The following KPNA1 variants were observed in gnomAD, a reference collection of about 807,000 sequenced individuals.
The protein encoded by KPNA1 is karyopherin subunit alpha 1.
A neutral mutation model predicts 70.5 loss-of-function variants in KPNA1; 10 were observed. The ratio of observed to expected loss-of-function variants is 0.14; its 90% CI spans 0.09 to 0.24. KPNA1 has a LOEUF of 0.24. Among genes scored for constraint, KPNA1 ranks in the 10% least tolerant of loss-of-function variants. The pLI, the probability that KPNA1 is intolerant of heterozygous loss-of-function variation, is 1.00. For missense variants in KPNA1, 397 were observed against 637.9 expected, an observed-to-expected ratio of 0.62 and a Z score of 4.07; for synonymous variants, 192 against 221.9, an observed-to-expected ratio of 0.87 and a Z score of 1.20.
intron 2 of KPNA1, among the ~76,000 whole-genome samples, chr3:122,483,714 G>C (rs576286959): frequency 6.6e-6 from 1 of 152,234 alleles, no homozygotes; most frequent in East Asian, 1.9e-4. Context: ...ATTTTTAAAA[G>C]GAGGGAATCC....
chr3:122,436,211 G>T (rs2075985096), intron 11 of KPNA1, among the ~76,000 whole-genome samples: 1 of 152,148 alleles, frequency 6.6e-6, no homozygotes, highest in African/African-American at 2.4e-5. Context: ...TTCCCGCCTA[G>T]TAAATTTTAG....
intron 2 of KPNA1, among the ~76,000 whole-genome samples, chr3:122,478,778 C>G (rs1313936293): frequency 6.7e-6 from 1 of 149,722 alleles, no homozygotes; most frequent in African/African-American, 2.5e-5. Flanking sequence ...ACTTGTAATC[C>G]CAGCTACTCT....
chr3:122,505,121 T>C (rs986741944), intron 1 of KPNA1, among the ~76,000 whole-genome samples: 11 of 151,766 alleles, frequency 7.2e-5, no homozygotes, highest in Admixed American at 6.6e-4. Context: ...CTGGCCAACA[T>C]GGTGAAACCC....
intron 2 of KPNA1, among the ~76,000 whole-genome samples, chr3:122,487,955 C>A (rs1266311440): frequency 6.6e-6 from 1 of 152,066 alleles, no homozygotes; most frequent in Non-Finnish European, 1.5e-5. Context: ...GCACCAAATA[C>A]AATGTATGAC....
chr3:122,438,784 T>C (rs563927309), intron 10 of KPNA1, among the ~76,000 whole-genome samples: 4 of 152,092 alleles, frequency 2.6e-5, no homozygotes, highest in Admixed American at 2.0e-4. Context: ...TTAAAAGAAA[T>C]CATAAAGCAG....
chr3:122,500,891 T>G (rs757627946), intron 1 of KPNA1, among the ~76,000 whole-genome samples: 4 of 151,910 alleles, frequency 2.6e-5, no homozygotes, highest in Non-Finnish European at 4.4e-5. Flanking sequence ...TTTCCTATTC[T>G]CTATGTCATT....
Position 122,495,726 on chromosome 3 carries a change from C to CAAAAA in KPNA1, c.129+706_129+710dup, listed in dbSNP as rs397876048. Reference sequence around the variant, plus strand: ...TTCAGGCTCCAAAGTCTCTCCTTAGCAAAAAAAAAAAAAAAAAAAAAGTCA... The same window carrying CAAAAA: ...TTCAGGCTCCAAAGTCTCTCCTTAGCAAAAAAAAAAAAAAAAAAAAAAAAAAGTCA... On this transcript the variant is annotated intron_variant, in intron 2 of 13. Coordinates refer to ENST00000344337, the MANE Select transcript of KPNA1 (RefSeq NM_002264.4). Among the ~76,000 whole-genome samples the CAAAAA allele has an allele frequency of 3.1e-4, 21 of 67,932 alleles. 2 individuals are homozygous for CAAAAA. Among genetic ancestry groups the CAAAAA allele is most frequent in the South Asian group, 1.1e-3 (2 of 1,892 alleles). 44.6% of individuals were successfully genotyped at this position (67,932 alleles called of 152,430 possible). A position where few individuals can be genotyped will look rare whatever the true frequency, so the allele number is the denominator to read the frequency against.
rs376392683 is a variant in KPNA1, at chr3:122,449,756, G to A, written c.754-19C>T. 5.6e-6 allele frequency: 9 copies of A among 1,595,108 alleles called. No homozygotes were observed. The highest frequency in any genetic ancestry group is 4.5e-5 in the South Asian group (4 of 88,174). On this transcript the variant is annotated intron_variant, in intron 8 of 13. Coordinates refer to ENST00000344337, the MANE Select transcript of KPNA1 (RefSeq NM_002264.4). ...GAGAAACCTGTAAAAGGAAAATGAT[G>A]ATTATGAAATTCAATAGACTAAAAG...
chr3:122,441,214 TAA>T (rs2076057938), intron 10 of KPNA1, among the ~76,000 whole-genome samples: 1 of 152,154 alleles, frequency 6.6e-6, no homozygotes, highest in South Asian at 2.1e-4. Context: ...GCAGAAGAAC[TAA>T]AAGACTTCAA....
At position 122,479,406 on chromosome 3, in the gene KPNA1, G is replaced by A. The variant is rs535737249; in HGVS notation, c.130-11977C>T. ...GGAACAGGAACTCATATTCATTGCC[G>A]GCAGAAAAGGCAAAATGGTACAGCC... On this transcript the variant is annotated intron_variant, in intron 2 of 13. Coordinates refer to ENST00000344337, the MANE Select transcript of KPNA1 (RefSeq NM_002264.4). Among the ~76,000 whole-genome samples, 99 of 152,110 alleles carry A rather than the reference G, an allele frequency of 6.5e-4. 1 individual carries two copies. Among genetic ancestry groups the A allele is most frequent in the Non-Finnish European group, 1.1e-3 (76 of 68,018 alleles).
At chr3:122,460,784 C>T (rs1476644062) in intron 5 of KPNA1, 3 of 495,836 alleles carry the variant, frequency 6.1e-6, no homozygotes, top group Non-Finnish European at 5.2e-6. Flanking sequence ...ATCTCCTTAT[C>T]GGCTTTTTGT....
chr3:122,501,057 C>A (rs1395134197), intron 1 of KPNA1, among the ~76,000 whole-genome samples: 1 of 137,142 alleles, frequency 7.3e-6, no homozygotes, highest in Non-Finnish European at 1.5e-5. Flanking sequence ...GAGACAGAGT[C>A]TCACTCTATT....
At chr3:122,453,733 C>T (rs2076236945) in intron 6 of KPNA1, 137 bp downstream of exon 6, 1 of 666,994 alleles carries the variant, frequency 1.5e-6, no homozygotes, top group Non-Finnish European at 2.4e-6. Context: ...GACGGGATTT[C>T]ACCATGTTGG....
intron 1 of KPNA1, among the ~76,000 whole-genome samples, chr3:122,513,924 A>G (rs1316293997): frequency 6.6e-6 from 1 of 152,168 alleles, no homozygotes; most frequent in East Asian, 1.9e-4. Flanking sequence ...AAAACTCGGC[A>G]ATCGTTTGTT....
intron 2 of KPNA1, among the ~76,000 whole-genome samples, chr3:122,474,737 T>G (rs1205665300): frequency 6.6e-6 from 1 of 152,082 alleles, no homozygotes; most frequent in Non-Finnish European, 1.5e-5. Flanking sequence ...GTGAATCACA[T>G]TAACAGAATG....
intron 10 of KPNA1, 70 bp from the exon 11 acceptor site, chr3:122,437,365 C>A: frequency 8.5e-7 from 1 of 1,171,096 alleles, no homozygotes; most frequent in Non-Finnish European, 1.2e-6. Flanking sequence ...TTAAGGAACA[C>A]ATTTTATGAA....
At chr3:122,491,339 G>T (rs1222987773) in intron 2 of KPNA1, among the ~76,000 whole-genome samples, 1 of 152,076 alleles carries the variant, frequency 6.6e-6, no homozygotes, top group Non-Finnish European at 1.5e-5. Flanking sequence ...ATTTGACTTA[G>T]AACAGCAAAG....
intron 2 of KPNA1, among the ~76,000 whole-genome samples, chr3:122,491,230 G>C (rs2076694477): frequency 6.6e-6 from 1 of 152,128 alleles, no homozygotes; most frequent in South Asian, 2.1e-4. Flanking sequence ...TACATCTATT[G>C]GTATTGCAGT....
chr3:122,494,030 T>C (rs920114519), intron 2 of KPNA1, among the ~76,000 whole-genome samples: 1 of 152,180 alleles, frequency 6.6e-6, no homozygotes. Flanking sequence ...GTTGTTTGAG[T>C]TCCTTGTAGA....
Sources: gnomAD v4.1 joint callset for allele counts (sites outside exome capture counted in the v4.1 genomes callset) on GRCh38, gnomAD v4.1.1 for gene constraint, MANE v1.5 for transcripts, NCBI Gene and HGNC (gene_info 2026-07-23, HGNC 2026-07-21) for gene names.